The following EPYC variants were observed in gnomAD, a reference collection of about 807,000 sequenced individuals.
The protein encoded by EPYC is dermatan sulfate proteoglycan 3.
In EPYC, 28 loss-of-function variants were observed where a neutral mutation model predicts 30.1. That is an observed-to-expected ratio of 0.93 (90% CI 0.69 to 1.28). EPYC has a LOEUF of 1.28. Ranked by LOEUF, EPYC falls within the 50% of genes most tolerant of loss-of-function variation. The pLI is 0.00. For synonymous variants in EPYC, 144 were observed against 141.4 expected (o/e 1.02, Z -0.13); for missense variants, 382 against 383.5 (o/e 1.00, Z 0.03).
chr12:90,988,985 G>T (rs1289111416), intron 2 of EPYC, among the ~76,000 whole-genome samples: 1 of 152,040 alleles, frequency 6.6e-6, no homozygotes, highest in Non-Finnish European at 1.5e-5. Context: ...TGAAACAGCT[G>T]AATGCATGGA....
chr12:90,995,778 T>G (rs1241547466), intron 2 of EPYC, among the ~76,000 whole-genome samples: 1 of 151,952 alleles, frequency 6.6e-6, no homozygotes, highest in Non-Finnish European at 1.5e-5. Context: ...TCTTAAATAC[T>G]GTAGCTTAGG....
intron 2 of EPYC, among the ~76,000 whole-genome samples, chr12:90,985,062 C>G (rs1301846165): frequency 6.6e-6 from 1 of 152,152 alleles, no homozygotes; most frequent in East Asian, 1.9e-4. Context: ...GCTTTAGCTG[C>G]AGCCTGAGAG....
intron 3 of EPYC, among the ~76,000 whole-genome samples, chr12:90,977,711 T>C (rs1487548616): frequency 6.6e-6 from 1 of 152,126 alleles, no homozygotes; most frequent in Admixed American, 6.6e-5. Flanking sequence ...ATTATTACTA[T>C]TACCATCATC....
At chr12:90,970,513 TA>T (rs1877013479) in intron 5 of EPYC, among the ~76,000 whole-genome samples, 1 of 152,318 alleles carries the variant, frequency 6.6e-6, no homozygotes, top group East Asian at 1.9e-4. Context: ...GCATTTCCTT[TA>T]TTTTATAGGC....
intron 2 of EPYC, among the ~76,000 whole-genome samples, chr12:90,991,612 C>T (rs2120853883): frequency 6.6e-6 from 1 of 152,144 alleles, no homozygotes; most frequent in South Asian, 2.1e-4. Context: ...TTCTAGATGA[C>T]ACAGTACTAG....
At chr12:90,998,788 T>C (rs548059258) in intron 2 of EPYC, among the ~76,000 whole-genome samples, 2 of 152,292 alleles carry the variant, frequency 1.3e-5, no homozygotes, top group East Asian at 3.9e-4. Flanking sequence ...CCACAGTTTC[T>C]GTAGGTCAGA....
Position 90,972,951 on chromosome 12 carries a change from T to C in EPYC, c.370A>G (p.Ile124Val), listed in dbSNP as rs1019498217. The C allele has an allele frequency of 5.0e-6, 8 of 1,605,126 alleles. No homozygotes were observed. The highest frequency in any genetic ancestry group is 3.3e-5 in the South Asian group (3 of 89,718). Residue 124 changes from isoleucine to valine, a missense_variant, in exon 4 of 7, where the codon ATA becomes GTA. By Grantham distance (29) the Ile-to-Val change is conservative. Coordinates refer to ENST00000261172, the MANE Select transcript of EPYC (RefSeq NM_004950.5). ...DFPTCLLCTC[I>V]STTVYCDDHE... ...TCATCACAGTACACGGTGGTACTTA[T>C]ACAAGTACACAAAAGACAGGTTGGA...
chr12:90,967,531 G>C (rs1876928726), intron 6 of EPYC, among the ~76,000 whole-genome samples: 1 of 151,996 alleles, frequency 6.6e-6, no homozygotes, highest in Non-Finnish European at 1.5e-5. Context: ...GGTCTACCTG[G>C]GAAATGTTCC....
intron 2 of EPYC, 86 bp downstream of exon 2, chr12:91,002,315 A>C (rs1877850276): frequency 1.7e-6 from 2 of 1,174,502 alleles, no homozygotes; most frequent in African/African-American, 1.6e-5. Context: ...TTATAAAAAA[A>C]CCCAAACATC....
chr12:90,987,123 G>T (rs1252725485), intron 2 of EPYC, among the ~76,000 whole-genome samples: 1 of 152,082 alleles, frequency 6.6e-6, no homozygotes, highest in South Asian at 2.1e-4. Flanking sequence ...TCTTGGACAA[G>T]CACTGTCATT....
chr12:90,996,259 C>T (rs1877691205), intron 2 of EPYC, among the ~76,000 whole-genome samples: 1 of 151,762 alleles, frequency 6.6e-6, no homozygotes, highest in African/African-American at 2.4e-5. Flanking sequence ...TTTTATATAT[C>T]ATTATCTAAA....
At chr12:91,001,921 G>T (rs1877831682) in intron 2 of EPYC, among the ~76,000 whole-genome samples, 2 of 151,968 alleles carry the variant, frequency 1.3e-5, no homozygotes, top group African/African-American at 2.4e-5. Context: ...AGGTGCAGTG[G>T]CTTACACCTG....
intron 5 of EPYC, among the ~76,000 whole-genome samples, chr12:90,970,799 A>C (rs910092735): frequency 1.3e-5 from 2 of 152,160 alleles, no homozygotes; most frequent in African/African-American, 2.4e-5. Flanking sequence ...ATTTGCCACC[A>C]CCCAGTGGTT....
In EPYC at chr12:90,964,295, G is replaced by T; in HGVS notation, c.830C>A (p.Thr277Lys). 1 of 1,607,626 alleles carries T rather than the reference G, an allele frequency of 6.2e-7. No individual in the cohort carries two copies. Among genetic ancestry groups the T allele is most frequent in the East Asian group, 2.2e-5 (1 of 44,778 alleles). Residue 277 changes from threonine to lysine, a missense_variant, in exon 7 of 7, where the codon ACG becomes AAG. By Grantham distance (78) the Thr-to-Lys change is moderately conservative. Coordinates refer to ENST00000261172, the MANE Select transcript of EPYC (RefSeq NM_004950.5). ...NNNILEMHED[T>K]FCNVKNLTYI... is the part of the protein sequence containing the mutation. ...AGTCAAATTTTTAACATTGCAGAAC[G>T]TATCTTCGTGCATTTCCAGAATGTT...
chr12:90,986,890 A>G (rs1033803119), intron 2 of EPYC, among the ~76,000 whole-genome samples: 1 of 152,156 alleles, frequency 6.6e-6, no homozygotes, highest in Non-Finnish European at 1.5e-5. Flanking sequence ...ATCTCTCCCC[A>G]TGGGGATAAA....
chr12:90,999,411 A>C (rs1877770344), intron 2 of EPYC, among the ~76,000 whole-genome samples: 2 of 152,100 alleles, frequency 1.3e-5, no homozygotes, highest in South Asian at 4.1e-4. Context: ...TAAATTTATA[A>C]TTTTAGAACA....
chr12:90,972,731 C>A, intron 4 of EPYC, 91 bp downstream of exon 4: 1 of 1,143,932 alleles, frequency 8.7e-7, no homozygotes, highest in Non-Finnish European at 1.2e-6. Context: ...CTTTGGCATT[C>A]AAGTTTCATT....
At chr12:90,998,695 A>C (rs531821796) in intron 2 of EPYC, among the ~76,000 whole-genome samples, 42 of 152,258 alleles carry the variant, frequency 2.8e-4, no homozygotes, top group African/African-American at 9.4e-4. Context: ...AAAAACTTTT[A>C]AGTTGTTCTA....
At chr12:90,971,672 C>CTATAAATAAATA (rs1877046877) in intron 5 of EPYC, 128 bp downstream of exon 5, 2 of 198,226 alleles carry the variant, frequency 1.0e-5, no homozygotes, top group East Asian at 2.7e-4. Context: ...GACCCTATCT[C>CTATAAATAAATA]AATAAATAAA....
Sources: allele counts gnomAD v4.1 joint callset (sites outside exome capture counted in the v4.1 genomes callset), GRCh38; gene constraint gnomAD v4.1.1; transcripts MANE v1.5; gene names NCBI Gene and HGNC (gene_info 2026-07-23, HGNC 2026-07-21).